The following ZNF521 variants were observed in gnomAD, a reference collection of about 807,000 sequenced individuals.
ZNF521 encodes LYST-interacting protein 3.
In ZNF521, 14 loss-of-function variants were observed where a neutral mutation model predicts 105.5. The observed-to-expected ratio is 0.13, with a 90% confidence interval of 0.09 to 0.21. ZNF521 has a LOEUF of 0.21. Ranked by LOEUF, ZNF521 falls within the 10% of genes least tolerant of loss-of-function variation. The pLI is 1.00. For synonymous variants in ZNF521, 635 were observed against 606.0 expected (o/e 1.05, Z -0.70); for missense variants, 1,233 against 1,629.7 (o/e 0.76, Z 4.19).
chr18:25,301,508 G>C (rs746104885), intron 3 of ZNF521, among the ~76,000 whole-genome samples: 5 of 152,174 alleles, frequency 3.3e-5, no homozygotes, highest in Non-Finnish European at 5.9e-5. Flanking sequence ...TCCCTACACA[G>C]AGTTGACTTC....
chr18:25,107,992 G>A (rs781428584), intron 5 of ZNF521, among the ~76,000 whole-genome samples: 3 of 152,234 alleles, frequency 2.0e-5, no homozygotes, highest in African/African-American at 7.2e-5. Flanking sequence ...TTTCATCCAG[G>A]TGGGAGACTC....
At chr18:25,096,677 G>A (rs977885928) in intron 5 of ZNF521, among the ~76,000 whole-genome samples, 6 of 152,070 alleles carry the variant, frequency 3.9e-5, no homozygotes, top group South Asian at 4.1e-4. Context: ...CCCTTATATC[G>A]TCTGATCAAC....
rs113545251 is a variant in ZNF521, at chr18:25,076,500, T to G, written c.3906+12965A>C. ...ATTATCTCTTATCCCTATGCAATTG[T>G]TTTATAGTGCTGGAAGCTTTTTATA... On this transcript the variant is annotated intron_variant, in intron 7 of 7. Coordinates refer to ENST00000361524, the MANE Select transcript of ZNF521 (RefSeq NM_015461.3). Among the ~76,000 whole-genome samples the G allele has an allele frequency of 2.9e-3, 448 of 152,312 alleles. 1 individual carries two copies. Among genetic ancestry groups the G allele is most frequent in the African/African-American group, 0.01 (419 of 41,560 alleles).
At chr18:25,117,030 CAT>C (rs71167847) in intron 5 of ZNF521, among the ~76,000 whole-genome samples, 3,923 of 114,998 alleles carry the variant, frequency 0.034, 102 homozygotes, top group African/African-American at 0.084. Flanking sequence ...TATATATATA[CAT>C]ACACACACAC....
At chr18:25,109,843 A>C (rs907857833) in intron 5 of ZNF521, among the ~76,000 whole-genome samples, 1 of 152,084 alleles carries the variant, frequency 6.6e-6, no homozygotes, top group Non-Finnish European at 1.5e-5. Flanking sequence ...TGGAATCTGG[A>C]TATCAGTCCT....
chr18:25,125,585 C>A (rs1346957534), intron 5 of ZNF521, among the ~76,000 whole-genome samples: 2 of 151,648 alleles, frequency 1.3e-5, no homozygotes, highest in Non-Finnish European at 2.9e-5. Flanking sequence ...AGGATTGCAT[C>A]AGCTATCTCT....
intron 5 of ZNF521, 99 bp downstream of exon 5, chr18:25,195,061 T>A: frequency 1.0e-6 from 1 of 960,486 alleles, no homozygotes; most frequent in Non-Finnish European, 1.6e-6. Context: ...GGAAAAACAA[T>A]GATGGTTGAA....
At chr18:25,305,934 T>TA (rs1179913740) in intron 3 of ZNF521, among the ~76,000 whole-genome samples, 1 of 152,266 alleles carries the variant, frequency 6.6e-6, no homozygotes, top group Non-Finnish European at 1.5e-5. Flanking sequence ...CCAGCTCATT[T>TA]AATTGCCACA....
intron 7 of ZNF521, among the ~76,000 whole-genome samples, chr18:25,082,010 A>G (rs1037796544): frequency 1.3e-5 from 2 of 152,250 alleles, no homozygotes; most frequent in African/African-American, 4.8e-5. Flanking sequence ...TGGTGAAAAC[A>G]TAGCACCAAT....
intron 5 of ZNF521, among the ~76,000 whole-genome samples, chr18:25,126,824 T>C (rs1348047049): frequency 6.6e-6 from 1 of 152,086 alleles, no homozygotes; most frequent in Non-Finnish European, 1.5e-5. Context: ...ATTAAATTAT[T>C]GTAATTACTG....
At chr18:25,063,296 G>C (rs1247295554) in intron 7 of ZNF521, among the ~76,000 whole-genome samples, 1 of 152,180 alleles carries the variant, frequency 6.6e-6, no homozygotes, top group Non-Finnish European at 1.5e-5. Context: ...AAATGCAAGA[G>C]TTAGCTGGCT....
At chr18:25,080,957 G>A (rs1407056227) in intron 7 of ZNF521, among the ~76,000 whole-genome samples, 2 of 152,328 alleles carry the variant, frequency 1.3e-5, no homozygotes, top group Admixed American at 1.3e-4. Context: ...GACTACAAAG[G>A]CGCTGAGACA....
intron 2 of ZNF521, among the ~76,000 whole-genome samples, chr18:25,348,048 T>C (rs1191400731): frequency 6.6e-6 from 1 of 152,230 alleles, no homozygotes; most frequent in African/African-American, 2.4e-5. Flanking sequence ...ACTCATCTAA[T>C]AAAATCAGAC....
intron 5 of ZNF521, among the ~76,000 whole-genome samples, chr18:25,184,813 C>G (rs2035692902): frequency 6.6e-6 from 1 of 152,158 alleles, no homozygotes; most frequent in Non-Finnish European, 1.5e-5. Flanking sequence ...TAAATGGACA[C>G]AGGTACTAAA....
At chr18:25,251,757 C>T (rs1021733839) in intron 3 of ZNF521, among the ~76,000 whole-genome samples, 11 of 152,170 alleles carry the variant, frequency 7.2e-5, no homozygotes, top group African/African-American at 1.2e-4. Context: ...AAGCACTCTT[C>T]GGTGAACAGC....
intron 2 of ZNF521, among the ~76,000 whole-genome samples, chr18:25,350,490 A>G (rs1464941623): frequency 6.6e-6 from 1 of 152,154 alleles, no homozygotes; most frequent in Admixed American, 6.5e-5. Flanking sequence ...AAAGAAAAGG[A>G]AAAAAGAAGC....
chr18:25,256,802 AG>A (rs1305001596), intron 3 of ZNF521, among the ~76,000 whole-genome samples: 1 of 149,890 alleles, frequency 6.7e-6, no homozygotes, highest in Non-Finnish European at 1.5e-5. Flanking sequence ...GTGCAGCTGA[AG>A]GAAAAAAAAA....
At chr18:25,080,137 G>A (rs760144576) in intron 7 of ZNF521, among the ~76,000 whole-genome samples, 2 of 152,172 alleles carry the variant, frequency 1.3e-5, no homozygotes, top group Non-Finnish European at 2.9e-5. Context: ...AAAAAGCCCC[G>A]CTTTTGCAAA....
chr18:25,327,547 T>A lies in ZNF521; in HGVS notation c.41-5360A>T, dbSNP rs1289199127. On this transcript the variant is annotated intron_variant, in intron 2 of 7. Coordinates refer to ENST00000361524, the MANE Select transcript of ZNF521 (RefSeq NM_015461.3). ...CAAATCCTAATCCCTGATTTATGTTTATACTTTTTAAGAACAGAGAAAAAG... is the reference window on the plus strand; with the variant it reads ...CAAATCCTAATCCCTGATTTATGTTAATACTTTTTAAGAACAGAGAAAAAG... 8 of 696,090 alleles carry A rather than the reference T, an allele frequency of 1.1e-5. No homozygotes were observed. The Admixed American group carries it at 2.0e-4, about 17-fold the overall frequency. 43.1% of individuals were successfully genotyped at this position (696,090 alleles called of 1,614,324 possible).
Sources: allele counts gnomAD v4.1 joint callset (sites outside exome capture counted in the v4.1 genomes callset), GRCh38; gene constraint gnomAD v4.1.1; transcripts MANE v1.5; gene names NCBI Gene and HGNC (gene_info 2026-07-23, HGNC 2026-07-21).